PPP4R2: variants seen among roughly 807,000 people sequenced by gnomAD.
PPP4R2 encodes serine/threonine-protein phosphatase 4 regulatory subunit 2.
A neutral mutation model predicts 47.2 loss-of-function variants in PPP4R2; 13 were observed. The ratio of observed to expected loss-of-function variants is 0.28; its 90% CI spans 0.18 to 0.44. The LOEUF (loss-of-function observed/expected upper bound fraction) is 0.44. Ranked by LOEUF, PPP4R2 falls within the 20% of genes least tolerant of loss-of-function variation. The probability of loss-of-function intolerance (pLI) is 1.00; values close to 1 mark genes in which losing one functional copy is unlikely to be tolerated. For missense variants in PPP4R2, 421 were observed against 491.2 expected (o/e 0.86, Z 1.35); for synonymous variants, 151 against 163.3 (o/e 0.92, Z 0.57).
chr3:73,046,140 C>A (rs762658319), intron 2 of PPP4R2, among the ~76,000 whole-genome samples: 1 of 152,112 alleles, frequency 6.6e-6, no homozygotes, highest in Admixed American at 6.5e-5. Flanking sequence ...TGCTGCTGTC[C>A]TGACTCTTGC....
intron 2 of PPP4R2, among the ~76,000 whole-genome samples, chr3:73,026,505 A>T (rs1171803184): frequency 6.7e-6 from 1 of 150,270 alleles, no homozygotes; most frequent in Non-Finnish European, 1.5e-5. Flanking sequence ...GTTTAGAGTG[A>T]GTTCCCTGAG....
Position 73,063,718 on chromosome 3 carries a change from T to G in PPP4R2, c.465T>G (p.Phe155Leu). ...TAAATCGAATGAATGGTGTTATGTTTCCTGGAAATTCACCAAGCTATACTG... is the reference window on the plus strand; with the variant it reads ...TAAATCGAATGAATGGTGTTATGTTGCCTGGAAATTCACCAAGCTATACTG... ...NSLNRMNGVM[F>L]PGNSPSYTER... Residue 155 changes from phenylalanine (F) to leucine (L), a missense_variant, in exon 6 of 9, where the codon TTT becomes TTG. By Grantham distance (22) the Phe-to-Leu change is conservative. This residue lies in a region of PPP4R2 where 104 missense variants were observed against 203.7 expected (regional missense o/e 0.51). Coordinates refer to ENST00000356692, the MANE Select transcript of PPP4R2 (RefSeq NM_174907.4). 1 of 1,596,244 alleles carries G rather than the reference T, an allele frequency of 6.3e-7. No homozygotes were observed. The highest frequency in any genetic ancestry group is 8.6e-7 in the Non-Finnish European group (1 of 1,163,822).
At chr3:73,020,317 TA>T (rs2107250300) in intron 2 of PPP4R2, among the ~76,000 whole-genome samples, 1 of 152,196 alleles carries the variant, frequency 6.6e-6, no homozygotes, top group African/African-American at 2.4e-5. Flanking sequence ...GCCTCCTGAG[TA>T]GCTGAGACTA....
intron 3 of PPP4R2, among the ~76,000 whole-genome samples, chr3:73,056,129 CAG>C (rs1702727738): frequency 1.3e-5 from 2 of 152,308 alleles, no homozygotes; most frequent in South Asian, 4.1e-4. Context: ...GGATGAGTAT[CAG>C]AGAGCAGAGC....
At position 73,012,097 on chromosome 3, in the gene PPP4R2, A is replaced by AT. The variant is rs933733209; in HGVS notation, c.116+13940dup. 4.4e-4 allele frequency among the ~76,000 whole-genome samples: 67 copies of AT among 152,338 alleles called. 1 individual carries two copies. Among genetic ancestry groups the AT allele is most frequent in the African/African-American group, 1.5e-3 (64 of 41,580 alleles). On this transcript the variant is annotated intron_variant, in intron 2 of 8. Transcript: ENST00000356692. Reference sequence around the variant, plus strand: ...ATTGGTTCCAGGACCTCCTTTGGACATAAAATCTGTGGATGCTCAGTCCCT... The same window carrying AT: ...ATTGGTTCCAGGACCTCCTTTGGACATTAAAATCTGTGGATGCTCAGTCCCT...
chr3:73,019,452 C>CA (rs1355382772), intron 2 of PPP4R2, among the ~76,000 whole-genome samples: 2 of 152,198 alleles, frequency 1.3e-5, no homozygotes, highest in Non-Finnish European at 2.9e-5. Flanking sequence ...CAGCTCACTG[C>CA]AACCTCCTCC....
At chr3:73,048,546 G>A (rs1383374954) in intron 3 of PPP4R2, among the ~76,000 whole-genome samples, 2 of 152,178 alleles carry the variant, frequency 1.3e-5, no homozygotes, top group Non-Finnish European at 2.9e-5. Flanking sequence ...GAGCCCCCGC[G>A]CCCAGCCAGG....
chr3:73,027,974 G>T (rs1335081050), intron 2 of PPP4R2: 1 of 149,122 alleles, frequency 6.7e-6, no homozygotes. Flanking sequence ...AGACGGGGTG[G>T]GCTGGGCACT....
chr3:73,035,459 A>T (rs1575865068), intron 2 of PPP4R2, among the ~76,000 whole-genome samples: 1 of 152,306 alleles, frequency 6.6e-6, no homozygotes, highest in South Asian at 2.1e-4. Flanking sequence ...GGGAAACACT[A>T]GTACACTGCT....
chr3:73,058,466 A>G (rs1484597277), intron 3 of PPP4R2, among the ~76,000 whole-genome samples: 1 of 151,976 alleles, frequency 6.6e-6, no homozygotes, highest in African/African-American at 2.4e-5. Context: ...TTTTTTCCTC[A>G]GTTTTGAAGC....
intron 2 of PPP4R2, among the ~76,000 whole-genome samples, chr3:73,005,960 A>G (rs548227997): frequency 4.6e-5 from 7 of 152,300 alleles, no homozygotes; most frequent in Admixed American, 4.6e-4. Flanking sequence ...CAAGATTGTG[A>G]ACATGTTCAT....
intron 2 of PPP4R2, among the ~76,000 whole-genome samples, chr3:73,020,012 CAT>C (rs1425750480): frequency 6.6e-6 from 1 of 152,196 alleles, no homozygotes. Context: ...CCTTCTGCAT[CAT>C]ATGTCACGAT....
At position 73,065,941 on chromosome 3, in the gene PPP4R2, CT is replaced by C; in HGVS notation, c.*226del. ...CCTTACCGCTGACTTTTCTTTCTTT[CT>C]TTTTTTGGTCTGGGCAAATCAGTGG... On this transcript the variant is annotated 3_prime_UTR_variant, in exon 9 of 9. Coordinates refer to ENST00000356692, the MANE Select transcript of PPP4R2 (RefSeq NM_174907.4). 1.9e-5 allele frequency: 6 copies of C among 314,202 alleles called. No individual in the cohort carries two copies. Among genetic ancestry groups the C allele is most frequent in the East Asian group, 1.0e-4 (2 of 19,972 alleles). The allele number at this position is 314,202 out of a possible 1,614,324, so 19.5% of individuals were successfully genotyped here.
intron 2 of PPP4R2, chr3:73,015,035 C>A: frequency 3.3e-6 from 2 of 599,392 alleles, no homozygotes; most frequent in South Asian, 2.0e-5. Flanking sequence ...ATACTCCTGG[C>A]CTGTTTATTA....
At chr3:73,004,477 A>G (rs1300482804) in intron 2 of PPP4R2, among the ~76,000 whole-genome samples, 1 of 152,254 alleles carries the variant, frequency 6.6e-6, no homozygotes, top group South Asian at 2.1e-4. Context: ...TATTTTTGAG[A>G]CAGAGTCTTG....
intron 3 of PPP4R2, among the ~76,000 whole-genome samples, chr3:73,057,106 C>T (rs1702745539): frequency 6.6e-6 from 1 of 152,082 alleles, no homozygotes; most frequent in South Asian, 2.1e-4. Flanking sequence ...GAGCCATGAA[C>T]TAGAAGAGGA....
At chr3:73,006,752 T>A (rs963401605) in intron 2 of PPP4R2, among the ~76,000 whole-genome samples, 1 of 152,230 alleles carries the variant, frequency 6.6e-6, no homozygotes, top group Non-Finnish European at 1.5e-5. Flanking sequence ...CACTCATTGC[T>A]AGAGTTGGCA....
intron 2 of PPP4R2, among the ~76,000 whole-genome samples, chr3:73,038,376 G>GT (rs1445900651): frequency 4.6e-5 from 7 of 151,524 alleles, no homozygotes; most frequent in African/African-American, 1.7e-4. Flanking sequence ...TTTTCTTTTT[G>GT]TTTTTTCTTT....
Position 72,998,776 on chromosome 3 carries a change from C to G in PPP4R2, c.116+618C>G, listed in dbSNP as rs527915085. The stretch of plus-strand genomic sequence containing the variant: ...TGAAACTTACGCTATAAAGTTAGGG[C>G]TGTGTTCAGAAGGAACATTCCAGGT... On this transcript the variant is annotated intron_variant, in intron 2 of 8. Transcript: ENST00000356692. Among the ~76,000 whole-genome samples the G allele has an allele frequency of 2.6e-5, 4 of 152,196 alleles. No individual in the cohort carries two copies. In the East Asian group the frequency reaches 7.7e-4, roughly 29 times the overall value.
Sources: allele counts gnomAD v4.1 joint callset (sites outside exome capture counted in the v4.1 genomes callset), GRCh38; gene constraint gnomAD v4.1.1; regional missense constraint gnomAD v4.1.1; transcripts MANE v1.5; gene names NCBI Gene and HGNC (gene_info 2026-07-23, HGNC 2026-07-21).